CCDC171: variants seen among roughly 807,000 people sequenced by gnomAD.
The protein encoded by CCDC171 is coiled-coil domain-containing protein 171.
Under a neutral mutation model 168.2 loss-of-function variants are expected in CCDC171, and 177 were observed. The ratio of observed to expected loss-of-function variants is 1.05; its 90% CI spans 0.93 to 1.19. The LOEUF (loss-of-function observed/expected upper bound fraction) is 1.19. Ranked by LOEUF, CCDC171 falls within the 50% of genes most tolerant of loss-of-function variation. CCDC171 has a pLI of 0.00. For missense variants in CCDC171, 1,991 were observed against 1,539.0 expected, an observed-to-expected ratio of 1.29 and a Z score of -4.91; for synonymous variants, 687 against 540.8, an observed-to-expected ratio of 1.27 and a Z score of -3.75.
At chr9:15,862,376 T>C (rs1203600943) in intron 23 of CCDC171, among the ~76,000 whole-genome samples, 2 of 151,880 alleles carry the variant, frequency 1.3e-5, no homozygotes, top group African/African-American at 2.4e-5. Flanking sequence ...AGTTGAGTTA[T>C]TATATTCTTC....
In CCDC171 at chr9:15,787,180, A is replaced by C. The variant is rs113289436; in HGVS notation, c.3267+2486A>C. On this transcript the variant is annotated intron_variant, in intron 21 of 25. Transcript: ENST00000380701. ...GTTTTGCTACATGTATGCATTGTGGAATGATCAAATCAGGCTAACATTCAT... is the reference window on the plus strand; with the variant it reads ...GTTTTGCTACATGTATGCATTGTGGCATGATCAAATCAGGCTAACATTCAT... Among the ~76,000 whole-genome samples the C allele has an allele frequency of 3.4e-4, 52 of 152,232 alleles. 4 individuals carry two copies. Among genetic ancestry groups the C allele is most frequent in the African/African-American group, 1.2e-3 (50 of 41,534 alleles).
At chr9:15,816,623 G>A (rs970129976) in intron 21 of CCDC171, among the ~76,000 whole-genome samples, 1 of 118,094 alleles carries the variant, frequency 8.5e-6, no homozygotes, top group Non-Finnish European at 1.9e-5. Context: ...TTAGGACAGG[G>A]TGGTAGGAGT....
the CCDC171 span, among the ~76,000 whole-genome samples, chr9:16,080,624 G>A: frequency 6.6e-6 from 1 of 152,124 alleles, no homozygotes; most frequent in Non-Finnish European, 1.5e-5. Context: ...GTGAGATCTT[G>A]GAAGATCCTC....
At chr9:15,894,093 G>A (rs1022466686) in intron 24 of CCDC171, among the ~76,000 whole-genome samples, 2 of 152,196 alleles carry the variant, frequency 1.3e-5, no homozygotes, top group African/African-American at 2.4e-5. Context: ...ATACTGTGCA[G>A]TCGTAAAACA....
chr9:15,766,682 C>G (rs2056739161), intron 18 of CCDC171, among the ~76,000 whole-genome samples: 1 of 151,628 alleles, frequency 6.6e-6, no homozygotes, highest in Admixed American at 6.6e-5. Flanking sequence ...GATAAGGGCT[C>G]TCTGTCTCTG....
chr9:15,743,138 C>CTTTTTT (rs66642691), intron 16 of CCDC171, among the ~76,000 whole-genome samples: 46 of 73,262 alleles, frequency 6.3e-4, no homozygotes, highest in Admixed American at 9.1e-4. Flanking sequence ...CTGTTACCTT[C>CTTTTTT]TTTTTTTTTT....
At chr9:16,056,044 AC>A in intron 1 of CCDC171, among the ~76,000 whole-genome samples, 1 of 152,378 alleles carries the variant, frequency 6.6e-6, no homozygotes, top group Middle Eastern at 3.4e-3. Context: ...AGCTTAGCAG[AC>A]TATAACATTG....
intron 25 of CCDC171, among the ~76,000 whole-genome samples, chr9:15,925,636 C>A (rs1825807720): frequency 6.6e-6 from 1 of 151,542 alleles, no homozygotes; most frequent in African/African-American, 2.4e-5. Flanking sequence ...GGGACAATTC[C>A]TAGTTTTTTG....
chr9:15,607,978 T>C (rs1423605606), intron 6 of CCDC171, among the ~76,000 whole-genome samples: 1 of 152,158 alleles, frequency 6.6e-6, no homozygotes, highest in Non-Finnish European at 1.5e-5. Flanking sequence ...AGACATCTAA[T>C]GTCAAGGGAC....
chr9:15,793,668 G>C (rs2058399785), intron 21 of CCDC171, among the ~76,000 whole-genome samples: 1 of 140,728 alleles, frequency 7.1e-6, no homozygotes, highest in Non-Finnish European at 1.5e-5. Flanking sequence ...TTCTTCCTCA[G>C]CGTCCCAGGT....
chr9:15,883,180 C>A, intron 24 of CCDC171: 1 of 229,140 alleles, frequency 4.4e-6, no homozygotes, highest in Non-Finnish European at 8.9e-6. Context: ...AGGTGCGCAC[C>A]ACCATACCCA....
chr9:16,078,900 G>A, the CCDC171 span, among the ~76,000 whole-genome samples: 99 of 152,286 alleles, frequency 6.5e-4, no homozygotes, highest in African/African-American at 2.1e-3. Flanking sequence ...TACTTGTGGA[G>A]CAGAAAGAAT....
chr9:15,695,226 A>G lies in CCDC171; in HGVS notation c.1216-9A>G. The G allele has an allele frequency of 6.2e-7, 1 of 1,605,422 alleles. No homozygotes were observed. The highest frequency in any genetic ancestry group is 1.1e-5 in the South Asian group (1 of 90,786). On this transcript the variant is annotated splice_polypyrimidine_tract_variant and intron_variant, in intron 10 of 25. Transcript: ENST00000380701. ...TGACCTTATGTGTAATTTTTTTCTT[A>G]ATTAAAAGGCTAAGAAGCACCAGGC...
intron 9 of CCDC171, among the ~76,000 whole-genome samples, chr9:15,674,043 T>A (rs926295543): frequency 1.2e-4 from 18 of 152,234 alleles, no homozygotes; most frequent in African/African-American, 4.3e-4. Context: ...TATTGGTCTA[T>A]TCAGAGATTC....
intron 1 of CCDC171, among the ~76,000 whole-genome samples, chr9:15,556,480 C>G (rs1200249943): frequency 1.3e-5 from 2 of 152,136 alleles, no homozygotes; most frequent in Non-Finnish European, 2.9e-5. Flanking sequence ...TTGCATTTCT[C>G]TGATGGCCAG....
intron 2 of CCDC171, among the ~76,000 whole-genome samples, chr9:15,570,636 A>G (rs1175384298): frequency 6.6e-6 from 1 of 152,180 alleles, no homozygotes; most frequent in Non-Finnish European, 1.5e-5. Context: ...GTTTTTCTAG[A>G]GAACCACTGG....
intron 25 of CCDC171, among the ~76,000 whole-genome samples, chr9:15,963,805 G>A (rs1830561526): frequency 6.6e-6 from 1 of 152,092 alleles, no homozygotes; most frequent in African/African-American, 2.4e-5. Flanking sequence ...TAGTAATAGA[G>A]CCTCTGAATG....
chr9:15,693,879 A>T (rs1197959463), intron 10 of CCDC171, among the ~76,000 whole-genome samples: 1 of 152,092 alleles, frequency 6.6e-6, no homozygotes, highest in Non-Finnish European at 1.5e-5. Flanking sequence ...TCTTACCAAG[A>T]GAGTTGTCTA....
At chr9:15,731,471 G>C (rs377280017) in intron 16 of CCDC171, among the ~76,000 whole-genome samples, 1 of 152,174 alleles carries the variant, frequency 6.6e-6, no homozygotes, top group East Asian at 1.9e-4. Context: ...TCTGGTGATT[G>C]ACTAATTTCA....
Sources: gnomAD v4.1 joint callset for allele counts (sites outside exome capture counted in the v4.1 genomes callset) on GRCh38, gnomAD v4.1.1 for gene constraint, MANE v1.5 for transcripts, NCBI Gene and HGNC (gene_info 2026-07-23, HGNC 2026-07-21) for gene names.